Variants in DMD observed in about 807,000 individuals in gnomAD.
The protein encoded by DMD is mutant dystrophin.
DMD carries 63 observed loss-of-function variants against 330.1 expected under a neutral mutation model. The observed-to-expected ratio is 0.19, with a 90% CI of 0.16 to 0.24. The LOEUF (loss-of-function observed/expected upper bound fraction) is 0.24, where lower values mean the gene tolerates loss of function less well. Ranked by LOEUF, DMD falls within the 10% of genes least tolerant of loss-of-function variation. The probability of loss-of-function intolerance (pLI) is 1.00; values close to 1 mark genes in which losing one functional copy is unlikely to be tolerated. For missense variants in DMD, 3,344 were observed against 2,684.1 expected (o/e 1.25, Z -5.43); for synonymous variants, 1,223 against 959.8 (o/e 1.27, Z -5.07).
intron 44 of DMD, among the ~76,000 whole-genome samples, chrX:31,983,858 G>C (rs1477497517): frequency 9.0e-6 from 1 of 110,814 alleles, no homozygotes; most frequent in Non-Finnish European, 1.9e-5. Context: ...TTATTCCTAG[G>C]GTAAAGACGA....
At chrX:31,918,763 A>G (rs758522383) in intron 47 of DMD, among the ~76,000 whole-genome samples, 1 of 109,719 alleles carries the variant, frequency 9.1e-6, no homozygotes, top group South Asian at 3.9e-4. Context: ...TCAGCCTCCC[A>G]AGTAGCTGTG....
intron 54 of DMD, among the ~76,000 whole-genome samples, chrX:31,636,110 C>G (rs972870394): frequency 1.8e-5 from 2 of 111,607 alleles, no homozygotes; most frequent in Admixed American, 9.6e-5. Context: ...CCAAATACTG[C>G]ATGTTCTCAC....
chrX:32,679,591 C>G (rs2062221732), intron 9 of DMD, among the ~76,000 whole-genome samples: 1 of 110,380 alleles, frequency 9.1e-6, no homozygotes, highest in Non-Finnish European at 1.9e-5. Flanking sequence ...ATCTTAATGT[C>G]AGGCAGTGAG....
At chrX:31,753,573 A>G (rs190183652) in intron 51 of DMD, among the ~76,000 whole-genome samples, 112 of 111,956 alleles carry the variant, frequency 1.0e-3, no homozygotes, top group Non-Finnish European at 1.2e-3. Flanking sequence ...GCTGATTCAC[A>G]AACATGAAAA....
chrX:33,095,964 A>ATTTTTTTTT (rs35906927), intron 1 of DMD, among the ~76,000 whole-genome samples: 1 of 51,550 alleles, frequency 1.9e-5, no homozygotes, highest in African/African-American at 7.6e-5. Flanking sequence ...TTCTTCCAGA[A>ATTTTTTTTT]TTTTTTTTTT....
At position 32,863,498 on chromosome X, in the gene DMD, A is replaced by G. The variant is rs376893699; in HGVS notation, c.94-13678T>C. On this transcript the variant is annotated intron_variant, in intron 2 of 78. Transcript: ENST00000357033. The stretch of plus-strand genomic sequence containing the variant: ...GCACTCCAGCCTGGGTGGCAGAGTG[A>G]GACTCCGTCTCAAAAAAAAAAAAAA... 4.7e-4 allele frequency among the ~76,000 whole-genome samples: 42 copies of G among 88,900 alleles called. 1 individual carries two copies. The highest frequency in any genetic ancestry group is 1.8e-3 in the African/African-American group (40 of 21,627). 77.2% of individuals were successfully genotyped at this position (88,900 alleles called of 115,157 possible).
chrX:33,314,224 G>T (rs2053893435), intron 1 of DMD, among the ~76,000 whole-genome samples: 1 of 109,984 alleles, frequency 9.1e-6, no homozygotes, highest in Non-Finnish European at 1.9e-5. Flanking sequence ...AAATTACCAT[G>T]AACTTAGTGA....
At chrX:32,846,723 TAAAAAAAAAAA>T (rs10564725) in intron 3 of DMD, among the ~76,000 whole-genome samples, 1 of 53,585 alleles carries the variant, frequency 1.9e-5, no homozygotes, top group Non-Finnish European at 3.3e-5. Context: ...ACTTTAGATT[TAAAAAAAAAAA>T]AAAAAAAAAA....
chrX:32,555,181 A>G (rs1245149582), intron 16 of DMD, among the ~76,000 whole-genome samples: 1 of 111,631 alleles, frequency 9.0e-6, no homozygotes, highest in Non-Finnish European at 1.9e-5. Flanking sequence ...CATCACATAA[A>G]CAGAACTAAA....
At chrX:31,622,873 TATATAC>T (rs1316781230) in intron 55 of DMD, among the ~76,000 whole-genome samples, 255 of 86,872 alleles carry the variant, frequency 2.9e-3, no homozygotes, top group Non-Finnish European at 4.8e-3. Context: ...TATATATATA[TATATAC>T]ACACACACAC....
intron 4 of DMD, among the ~76,000 whole-genome samples, chrX:32,831,680 G>A (rs1268364524): frequency 2.9e-5 from 3 of 103,481 alleles, no homozygotes; most frequent in Admixed American, 1.1e-4. Context: ...GTGTGTGTGT[G>A]TGTGTGTGTG....
chrX:31,846,762 T>C (rs1045498035), intron 48 of DMD, among the ~76,000 whole-genome samples: 2 of 111,308 alleles, frequency 1.8e-5, no homozygotes, highest in African/African-American at 6.5e-5. Context: ...CAATCACCCA[T>C]AAATAGTTCC....
intron 2 of DMD, among the ~76,000 whole-genome samples, chrX:32,880,029 A>AT (rs2083759302): frequency 9.3e-6 from 1 of 107,680 alleles, no homozygotes; most frequent in Non-Finnish European, 1.9e-5. Flanking sequence ...TATGCAAAAC[A>AT]TAAAAAAAAA....
At chrX:32,802,769 T>TAC (rs1163656324) in intron 7 of DMD, among the ~76,000 whole-genome samples, 2 of 112,093 alleles carry the variant, frequency 1.8e-5, no homozygotes, top group African/African-American at 3.2e-5. Flanking sequence ...TGTGATGGAT[T>TAC]ACGTTTGTTG....
At chrX:33,304,042 A>G (rs899797505) in intron 1 of DMD, among the ~76,000 whole-genome samples, 1 of 111,159 alleles carries the variant, frequency 9.0e-6, no homozygotes, top group Non-Finnish European at 1.9e-5. Flanking sequence ...TTCCTTTCAA[A>G]TTTATTAATG....
chrX:31,429,878 T>C (rs1365688233), intron 60 of DMD, among the ~76,000 whole-genome samples: 5 of 110,198 alleles, frequency 4.5e-5, no homozygotes, highest in African/African-American at 1.7e-4. Flanking sequence ...AGAAGGTTTT[T>C]TTTTTTTTTA....
At chrX:32,622,574 A>T (rs908079817) in intron 11 of DMD, among the ~76,000 whole-genome samples, 1 of 111,796 alleles carries the variant, frequency 8.9e-6, no homozygotes, top group African/African-American at 3.3e-5. Context: ...CTTCCTTCCT[A>T]TAGGACAAAA....
At chrX:31,706,556 A>AT (rs34529444) in intron 52 of DMD, among the ~76,000 whole-genome samples, 30,570 of 108,378 alleles carry the variant, frequency 0.28, 3,793 homozygotes, top group African/African-American at 0.44. Flanking sequence ...GTTTATCAAC[A>AT]TTTTTTTTTG....
At chrX:32,703,430 G>T (rs187631159) in intron 7 of DMD, among the ~76,000 whole-genome samples, 1 of 111,381 alleles carries the variant, frequency 9.0e-6, no homozygotes, top group East Asian at 2.8e-4. Context: ...GAGACCATTT[G>T]TATACTATTA....
Sources: gnomAD v4.1 joint callset for allele counts (sites outside exome capture counted in the v4.1 genomes callset) on GRCh38, gnomAD v4.1.1 for gene constraint, MANE v1.5 for transcripts, NCBI Gene and HGNC (gene_info 2026-07-23, HGNC 2026-07-21) for gene names.